ADAMTS18: variants seen among roughly 807,000 people sequenced by gnomAD.
ADAMTS18 encodes the protein ADAM metallopeptidase with thrombospondin type 1 motif 18.
A neutral mutation model predicts 165.9 loss-of-function variants in ADAMTS18; 157 were observed. The observed-to-expected ratio is 0.95, with a 90% confidence interval of 0.83 to 1.08. The LOEUF is 1.08. Ranked by LOEUF, ADAMTS18 falls within the 50% of genes least tolerant of loss-of-function variation. ADAMTS18 has a pLI of 0.00. For missense variants in ADAMTS18, 2,040 were observed against 1,534.0 expected (o/e 1.33, Z -5.51); for synonymous variants, 782 against 578.2 (o/e 1.35, Z -5.06).
At chr16:77,355,498 G>A (rs1267522751) in intron 9 of ADAMTS18, among the ~76,000 whole-genome samples, 5 of 152,054 alleles carry the variant, frequency 3.3e-5, no homozygotes, top group African/African-American at 4.8e-5. Context: ...CACATTGATC[G>A]ATAACATTGA....
At chr16:77,361,393 T>C (rs2056711100) in intron 7 of ADAMTS18, among the ~76,000 whole-genome samples, 1 of 152,212 alleles carries the variant, frequency 6.6e-6, no homozygotes, top group Non-Finnish European at 1.5e-5. Context: ...TGTACAAATA[T>C]GGAAGAAATG....
chr16:77,397,819 T>C (rs1394242272), intron 3 of ADAMTS18, among the ~76,000 whole-genome samples: 1 of 152,184 alleles, frequency 6.6e-6, no homozygotes, highest in Non-Finnish European at 1.5e-5. Context: ...ACTTGGACCT[T>C]GATCCTGAAA....
chr16:77,290,835 C>A, intron 21 of ADAMTS18: 1 of 235,292 alleles, frequency 4.3e-6, no homozygotes, highest in Non-Finnish European at 8.3e-6. Context: ...TACTTAGCAC[C>A]GTGCATAGTA....
intron 3 of ADAMTS18, among the ~76,000 whole-genome samples, chr16:77,386,556 A>C (rs183461655): frequency 3.3e-5 from 5 of 152,284 alleles, no homozygotes; most frequent in African/African-American, 1.2e-4. Context: ...ATGTGGCATA[A>C]GCTCTCCAGT....
intron 16 of ADAMTS18, among the ~76,000 whole-genome samples, chr16:77,307,077 C>A (rs2055695116): frequency 6.6e-6 from 1 of 152,220 alleles, no homozygotes; most frequent in Non-Finnish European, 1.5e-5. Context: ...CTTGAACATA[C>A]TGGCATCTAA....
intron 22 of ADAMTS18, among the ~76,000 whole-genome samples, chr16:77,285,774 C>T (rs945473287): frequency 2.0e-5 from 3 of 152,116 alleles, no homozygotes; most frequent in South Asian, 2.1e-4. Flanking sequence ...CTTTGCTTCA[C>T]GTTCTCCATG....
intron 3 of ADAMTS18, among the ~76,000 whole-genome samples, chr16:77,392,412 G>C (rs777827976): frequency 6.6e-6 from 1 of 151,992 alleles, no homozygotes; most frequent in Non-Finnish European, 1.5e-5. Flanking sequence ...TTAAAGTCCT[G>C]CTTATTCTGC....
intron 10 of ADAMTS18, 69 bp from the exon 11 acceptor site, chr16:77,341,868 T>C: frequency 8.7e-7 from 1 of 1,148,944 alleles, no homozygotes. Flanking sequence ...TTCAAAGATG[T>C]TGTATATAAT....
chr16:77,320,221 C>A, intron 15 of ADAMTS18, 128 bp from the exon 16 acceptor site: 1 of 1,149,786 alleles, frequency 8.7e-7, no homozygotes, highest in Non-Finnish European at 1.3e-6. Context: ...TAAATTCATT[C>A]TTACTCTATG....
intron 2 of ADAMTS18, 51 bp from the exon 3 acceptor site, chr16:77,431,662 T>A (rs3750157): frequency 6.3e-7 from 1 of 1,594,824 alleles, no homozygotes; most frequent in Non-Finnish European, 8.6e-7. Context: ...CAATTCCAAA[T>A]GGTCTCTTTC....
At chr16:77,367,383 C>T in intron 4 of ADAMTS18, 58 bp downstream of exon 4, 1 of 1,608,516 alleles carries the variant, frequency 6.2e-7, no homozygotes, top group Non-Finnish European at 8.5e-7. Context: ...CAACAGCACT[C>T]AGGAAAACCT....
chr16:77,381,489 G>T (rs1239701742), intron 3 of ADAMTS18, among the ~76,000 whole-genome samples: 2 of 152,140 alleles, frequency 1.3e-5, no homozygotes, highest in African/African-American at 2.4e-5. Context: ...AGAAGTGAGT[G>T]CTGAGGTTAA....
chr16:77,419,745 G>A (rs2057576747), intron 3 of ADAMTS18, among the ~76,000 whole-genome samples: 1 of 152,064 alleles, frequency 6.6e-6, no homozygotes, highest in Non-Finnish European at 1.5e-5. Flanking sequence ...GGTGACTCAT[G>A]CCTGTAATCC....
chr16:77,359,068 C>T (rs189440935), intron 8 of ADAMTS18, among the ~76,000 whole-genome samples: 11 of 152,158 alleles, frequency 7.2e-5, no homozygotes, highest in African/African-American at 1.4e-4. Context: ...AAACAAATGC[C>T]TAGCAGCCCA....
intron 12 of ADAMTS18, among the ~76,000 whole-genome samples, chr16:77,334,578 ATAT>A (rs1424388755): frequency 5.4e-5 from 6 of 112,114 alleles, no homozygotes; most frequent in African/African-American, 2.2e-4. Flanking sequence ...TATATAGTAT[ATAT>A]TATAGTATAT....
At chr16:77,392,248 T>C (rs905408843) in intron 3 of ADAMTS18, among the ~76,000 whole-genome samples, 2 of 152,190 alleles carry the variant, frequency 1.3e-5, no homozygotes, top group African/African-American at 4.8e-5. Context: ...AGTAGTGGTG[T>C]CACGCTAATT....
intron 3 of ADAMTS18, among the ~76,000 whole-genome samples, chr16:77,390,338 C>T (rs1018042812): frequency 2.0e-5 from 3 of 152,078 alleles, no homozygotes; most frequent in Non-Finnish European, 4.4e-5. Flanking sequence ...ATCTTTTTTG[C>T]AGGTAACTGT....
At chr16:77,357,229 T>A (rs2056645064) in intron 8 of ADAMTS18, among the ~76,000 whole-genome samples, 1 of 152,122 alleles carries the variant, frequency 6.6e-6, no homozygotes, top group African/African-American at 2.4e-5. Flanking sequence ...ATAAAAGATA[T>A]GACTTTTTTT....
rs2055684138 is a variant in ADAMTS18 at position 77,306,481 on chromosome 16, C to A, written c.2533-6077G>T. ...TAAATGATTCTCTTTCTTTCGTCCC[C>A]ACTTTTAATTTTTAATGTTAAAACT... On this transcript the variant is annotated intron_variant, in intron 16 of 22. Coordinates refer to ENST00000282849, the MANE Select transcript of ADAMTS18 (RefSeq NM_199355.4). Among the ~76,000 whole-genome samples the A allele has an allele frequency of 2.6e-5, 4 of 152,322 alleles. No homozygotes were observed. The South Asian group carries it at 8.3e-4, about 32-fold the overall frequency.
Sources: allele counts gnomAD v4.1 joint callset (sites outside exome capture counted in the v4.1 genomes callset), GRCh38; gene constraint gnomAD v4.1.1; transcripts MANE v1.5; gene names NCBI Gene and HGNC (gene_info 2026-07-23, HGNC 2026-07-21).